ANGPTL7: variants seen among roughly 807,000 people sequenced by gnomAD.
ANGPTL7 encodes the protein angiopoietin like 7.
ANGPTL7 carries 37 observed loss-of-function variants against 38.8 expected under a neutral mutation model. That is an observed-to-expected ratio of 0.95 (90% CI 0.73 to 1.25). The LOEUF (loss-of-function observed/expected upper bound fraction) is 1.25, where lower values mean the gene tolerates loss of function less well. ANGPTL7 is among the 50% of genes most tolerant of loss of function. The pLI, the probability that ANGPTL7 is intolerant of heterozygous loss-of-function variation, is 0.00. For missense variants in ANGPTL7, 427 were observed against 438.6 expected, an observed-to-expected ratio of 0.97 and a Z score of 0.24; for synonymous variants, 166 against 163.2, an observed-to-expected ratio of 1.02 and a Z score of -0.13.
Position 11,190,991 on chromosome 1 carries a change from C to T in ANGPTL7, c.376+1036C>T, listed in dbSNP as rs76225539. Among the ~76,000 whole-genome samples, 908 of 152,302 alleles carry T rather than the reference C, an allele frequency of 6.0e-3. 11 individuals are homozygous for T. Among genetic ancestry groups the T allele is most frequent in the African/African-American group, 0.02 (836 of 41,566 alleles). Reference sequence around the variant, plus strand: ...CACTTTCTAAGCATGGACTTCCGGGCCCTCAGTTTGGGATTAGAAAGGTAT... The same window carrying T: ...CACTTTCTAAGCATGGACTTCCGGGTCCTCAGTTTGGGATTAGAAAGGTAT... On this transcript the variant is annotated intron_variant, in intron 1 of 4. Transcript: ENST00000376819.
chr1:11,194,905 A>ATTGTGCTCT lies in ANGPTL7; in HGVS notation c.923_924insTTGTGCTCT (p.Tyr308_Arg309insCysAlaLeu). 2 of 1,614,120 alleles carry ATTGTGCTCT rather than the reference A, an allele frequency of 1.2e-6. No individual in the cohort carries two copies. Among genetic ancestry groups the ATTGTGCTCT allele is most frequent in the Non-Finnish European group, 1.7e-6 (2 of 1,180,018 alleles). ...GACTCCAACCTCAATGGAGTGTACT[A>ATTGTGCTCT]CCGCCTGGGTGAGCACAATAAGCAC... On this transcript the variant is annotated inframe_insertion, in exon 5 of 5. Coordinates refer to ENST00000376819, the MANE Select transcript of ANGPTL7 (RefSeq NM_021146.4).
Position 11,193,909 on chromosome 1 carries a change from T to C in ANGPTL7, c.672+135T>C, listed in dbSNP as rs549022890. 1.1e-4 allele frequency: 114 copies of C among 1,020,542 alleles called. 2 individuals are homozygous for C. In the South Asian group the frequency reaches 1.8e-3, roughly 16 times the overall value. 63.2% of individuals were successfully genotyped at this position (1,020,542 alleles called of 1,614,324 possible). ...ATTGTGATGGTTTTCCTGCAAGTTG[T>C]AATGGAGTTGAGGAAAAATAGGTAT... On this transcript the variant is annotated intron_variant, in intron 3 of 4. Coordinates refer to ENST00000376819, the MANE Select transcript of ANGPTL7 (RefSeq NM_021146.4).
rs981755340 is a variant in ANGPTL7, at chr1:11,189,955, G to A, written c.376G>A (p.Asp126Asn). 6.2e-7 allele frequency: 1 copy of A among 1,604,570 alleles called. No individual in the cohort carries two copies. Among genetic ancestry groups the A allele is most frequent in the Non-Finnish European group, 8.5e-7 (1 of 1,175,386 alleles). The change falls in exon 1 of 5, where the codon GAT becomes AAT. Residue 126 changes from aspartate (D) to asparagine (N), a missense_variant and splice_region_variant. Transcript: ENST00000376819. The stretch of plus-strand genomic sequence containing the variant: ...ACAGACGGTCACTCAGACCTCCGCA[G>A]GTAAGGAGACCAGTCCCCTGAGGGA... ...AAQTVTQTSA[D>N]AIYDCSSLYQ...
intron 2 of ANGPTL7, 112 bp downstream of exon 2, chr1:11,192,482 G>A (rs546527972): frequency 2.3e-5 from 20 of 883,502 alleles, no homozygotes; most frequent in African/African-American, 6.6e-5. Flanking sequence ...TCGGCTGGGC[G>A]CAGTGGCTCA....
rs771939801 is a variant in ANGPTL7, at chr1:11,194,983, G to A, written c.1001G>A (p.Arg334Gln). The change falls in exon 5 of 5, where the codon CGG becomes CAG. Residue 334 changes from arginine to glutamine, a missense_variant. Coordinates refer to ENST00000376819, the MANE Select transcript of ANGPTL7 (RefSeq NM_021146.4). ...CATGGATCTACCTACTCCCTCAAAC[G>A]GGTGGAGATGAAAATCCGCCCAGAA... is the stretch of plus-strand genomic sequence containing the variant. ...GWHGSTYSLK[R>Q]VEMKIRPEDF... 2.5e-5 allele frequency: 41 copies of A among 1,613,876 alleles called. No homozygotes were observed. The Admixed American group carries it at 5.0e-4, about 20-fold the overall frequency.
In ANGPTL7 at chr1:11,194,565, G is replaced by A; in HGVS notation, c.777G>A (p.Gly259=). 6.2e-7 allele frequency: 1 copy of A among 1,614,158 alleles called. No homozygotes were observed. Among genetic ancestry groups the A allele is most frequent in the East Asian group, 2.2e-5 (1 of 44,884 alleles). The stretch of plus-strand genomic sequence containing the variant: ...TGGGGAACTACACTGGCAATGTGGG[G>A]AACGACGCCCTCCAGTATCATAACA... ...LFLGNYTGNV[G]NDALQYHNNT... The change falls in exon 4 of 5, where the codon GGG becomes GGA. Residue 259 remains glycine, a synonymous_variant. Transcript: ENST00000376819.
intron 1 of ANGPTL7, among the ~76,000 whole-genome samples, chr1:11,190,796 A>C (rs28990993): frequency 0.012 from 1,799 of 152,328 alleles, 38 homozygotes; most frequent in African/African-American, 0.041. Flanking sequence ...TAGACATGTC[A>C]TTTCTTGCTG....
intron 2 of ANGPTL7, among the ~76,000 whole-genome samples, chr1:11,193,073 G>T (rs937672025): frequency 2.0e-5 from 3 of 151,974 alleles, no homozygotes; most frequent in African/African-American, 7.2e-5. Context: ...AAGTTTTTTG[G>T]GAGGTGAGGT....
rs1645744774 is a variant in ANGPTL7 at position 11,195,328 on chromosome 1, T to C, written c.*305T>C. 3.6e-6 allele frequency: 1 copy of C among 279,922 alleles called. No individual in the cohort carries two copies. The highest frequency in any genetic ancestry group is 6.7e-6 in the Non-Finnish European group (1 of 149,432). 17.3% of individuals were successfully genotyped at this position (279,922 alleles called of 1,614,324 possible). The stretch of plus-strand genomic sequence containing the variant: ...TAGCTTGTCTTTTCCACATGATTTG[T>C]CTGTGAAAGAAAATAATTTTGAGAT... On this transcript the variant is annotated 3_prime_UTR_variant, in exon 5 of 5. Transcript: ENST00000376819.
chr1:11,192,793 C>T (rs1645597095), intron 2 of ANGPTL7, among the ~76,000 whole-genome samples: 1 of 148,132 alleles, frequency 6.8e-6, no homozygotes, highest in Non-Finnish European at 1.5e-5. Context: ...CAAGCAAACA[C>T]ACCAAACACC....
chr1:11,190,495 T>G (rs1645484659), intron 1 of ANGPTL7, among the ~76,000 whole-genome samples: 1 of 152,046 alleles, frequency 6.6e-6, no homozygotes, highest in Non-Finnish European at 1.5e-5. Context: ...ATGTGAAGAG[T>G]CCCTTTGTGT....
Position 11,193,639 on chromosome 1 carries a change from T to G in ANGPTL7, c.537T>G (p.Ser179Arg). 6.2e-7 allele frequency: 1 copy of G among 1,613,462 alleles called. No individual in the cohort carries two copies. The change falls in exon 3 of 5, where the codon AGT (serine) becomes AGG (arginine). Residue 179 changes from serine (S) to arginine (R), a missense_variant. Physicochemically the swap from Ser to Arg is moderately radical, Grantham distance 110. Coordinates refer to ENST00000376819, the MANE Select transcript of ANGPTL7 (RefSeq NM_021146.4). ...GGWTIIQRRK[S>R]GLVSFYRDWK... ...GGACCATCATCCAGAGACGAAAAAG[T>G]GGCCTTGTCTCCTTCTACCGGGACT...
At chr1:11,194,327 A>C in intron 3 of ANGPTL7, 134 bp from the exon 4 acceptor site, 1 of 838,540 alleles carries the variant, frequency 1.2e-6, no homozygotes, top group East Asian at 2.5e-5. Flanking sequence ...GGAGGTAAAC[A>C]AGTAATAAAG....
intron 1 of ANGPTL7, among the ~76,000 whole-genome samples, chr1:11,191,795 C>T (rs1645543105): frequency 1.3e-5 from 2 of 152,270 alleles, no homozygotes; most frequent in South Asian, 4.1e-4. Flanking sequence ...TCTCAGGTGG[C>T]AGTAGCCACC....
chr1:11,195,186 T>G lies in ANGPTL7; in HGVS notation c.*163T>G. On this transcript the variant is annotated 3_prime_UTR_variant, in exon 5 of 5. Coordinates refer to ENST00000376819, the MANE Select transcript of ANGPTL7 (RefSeq NM_021146.4). ...CCAAGGAGCACAAAAAAATCATATG[T>G]ACCAAGGATGTTACAGTAAACAGGA... 1.1e-5 allele frequency: 8 copies of G among 751,836 alleles called. No homozygotes were observed. The highest frequency in any genetic ancestry group is 1.9e-5 in the South Asian group (1 of 51,996). 46.6% of individuals were successfully genotyped at this position (751,836 alleles called of 1,614,324 possible).
chr1:11,195,189 C>G lies in ANGPTL7; in HGVS notation c.*166C>G. The G allele has an allele frequency of 1.3e-6, 1 of 754,926 alleles. No individual in the cohort carries two copies. Among genetic ancestry groups the G allele is most frequent in the Non-Finnish European group, 2.1e-6 (1 of 475,008 alleles). The allele number at this position is 754,926 out of a possible 1,614,324, so 46.8% of individuals were successfully genotyped here. A position where few individuals can be genotyped will look rare whatever the true frequency, so the allele number is the denominator to read the frequency against. On this transcript the variant is annotated 3_prime_UTR_variant, in exon 5 of 5. Coordinates refer to ENST00000376819, the MANE Select transcript of ANGPTL7 (RefSeq NM_021146.4). ...AGGAGCACAAAAAAATCATATGTAC[C>G]AAGGATGTTACAGTAAACAGGATGA...
rs1042882477 is a variant in ANGPTL7, at chr1:11,195,673, A to G, written c.*650A>G. On this transcript the variant is annotated 3_prime_UTR_variant, in exon 5 of 5. Transcript: ENST00000376819. ...CCTGCTCGCCTTGGTCATGTACAGC[A>G]CTGAAAGGAATGAAGCACCAGCAGG... The G allele has an allele frequency of 1.3e-5, 2 of 152,836 alleles. No individual in the cohort carries two copies. The highest frequency in any genetic ancestry group is 4.8e-5 in the African/African-American group (2 of 41,466). The allele number at this position is 152,836 out of a possible 1,614,324, so 9.5% of individuals were successfully genotyped here.
At position 11,195,063 on chromosome 1, in the gene ANGPTL7, A is replaced by T; in HGVS notation, c.*40A>T. 1 of 1,602,164 alleles carries T rather than the reference A, an allele frequency of 6.2e-7. No homozygotes were observed. The highest frequency in any genetic ancestry group is 8.5e-7 in the Non-Finnish European group (1 of 1,173,032). On this transcript the variant is annotated 3_prime_UTR_variant, in exon 5 of 5. Transcript: ENST00000376819. Reference sequence around the variant, plus strand: ...GGAGCACGGATACAGAAACTGAGACACGTGGAGACTGGATGAGGGCAGATG... The same window carrying T: ...GGAGCACGGATACAGAAACTGAGACTCGTGGAGACTGGATGAGGGCAGATG...
At chr1:11,189,983 G>A (rs190991350) in intron 1 of ANGPTL7, 28 bp downstream of exon 1, 137 of 1,575,626 alleles carry the variant, frequency 8.7e-5, no homozygotes, top group East Asian at 6.0e-4. Flanking sequence ...CTGAGGGAGC[G>A]TGGAGTGCCT....
Sources: gnomAD v4.1 joint callset for allele counts (sites outside exome capture counted in the v4.1 genomes callset) on GRCh38, gnomAD v4.1.1 for gene constraint, MANE v1.5 for transcripts, NCBI Gene and HGNC (gene_info 2026-07-23, HGNC 2026-07-21) for gene names.